CDH8: variants seen among roughly 807,000 people sequenced by gnomAD.
CDH8 encodes the protein cadherin 8.
CDH8 carries 17 observed loss-of-function variants against 68.1 expected under a neutral mutation model. The ratio of observed to expected loss-of-function variants is 0.25; its 90% confidence interval spans 0.17 to 0.37. The LOEUF is 0.37. CDH8 is among the 10% of genes least tolerant of loss of function. The pLI, the probability that CDH8 is intolerant of heterozygous loss-of-function variation, is 1.00. For missense variants in CDH8, 763 were observed against 999.3 expected (o/e 0.76, Z 3.19); for synonymous variants, 372 against 365.1 (o/e 1.02, Z -0.21).
intron 8 of CDH8, among the ~76,000 whole-genome samples, chr16:61,764,531 T>C (rs1399316789): frequency 6.6e-6 from 1 of 152,068 alleles, no homozygotes; most frequent in East Asian, 1.9e-4. Context: ...AGCAAAACTG[T>C]CAGATTAATG....
chr16:61,969,061 A>G (rs1368397457), intron 2 of CDH8, among the ~76,000 whole-genome samples: 1 of 152,244 alleles, frequency 6.6e-6, no homozygotes, highest in Admixed American at 6.5e-5. Context: ...AACTGAAATA[A>G]AACCTTCTCA....
At chr16:61,682,979 G>C (rs1454153217) in intron 10 of CDH8, among the ~76,000 whole-genome samples, 2 of 151,964 alleles carry the variant, frequency 1.3e-5, no homozygotes, top group Non-Finnish European at 2.9e-5. Flanking sequence ...TGATAACTGG[G>C]ACTTGCTTCA....
At chr16:61,853,112 T>C (rs1962975250) in intron 4 of CDH8, among the ~76,000 whole-genome samples, 1 of 152,050 alleles carries the variant, frequency 6.6e-6, no homozygotes, top group Non-Finnish European at 1.5e-5. Context: ...AACCCTGATT[T>C]TGTTAAAGCT....
rs1358351721 is a variant in CDH8, at chr16:61,652,875, A to G, written c.*733T>C. The G allele has an allele frequency of 3.3e-6, 5 of 1,525,602 alleles. No homozygotes were observed. Among genetic ancestry groups the G allele is most frequent in the Non-Finnish European group, 2.6e-6 (3 of 1,141,916 alleles). 94.5% of individuals were successfully genotyped at this position (1,525,602 alleles called of 1,614,324 possible). The stretch of plus-strand genomic sequence containing the variant: ...TGTGTCCTTGTGGAAGAAGATGAAG[A>G]GGAGGGAACGAGGAATCCTGCTTCT... On this transcript the variant is annotated 3_prime_UTR_variant, in exon 12 of 12. Coordinates refer to ENST00000577390, the MANE Select transcript of CDH8 (RefSeq NM_001796.5).
chr16:61,915,182 G>C (rs1332072410), intron 2 of CDH8, among the ~76,000 whole-genome samples: 1 of 152,000 alleles, frequency 6.6e-6, no homozygotes, highest in African/African-American at 2.4e-5. Context: ...TGAATATTTG[G>C]ACACATCCTT....
In CDH8 at chr16:61,751,382, TAAAAAA is replaced by T. The variant is rs71134375; in HGVS notation, c.1415-24173_1415-24168del. Among the ~76,000 whole-genome samples, 234 of 54,158 alleles carry T rather than the reference TAAAAAA, an allele frequency of 4.3e-3. 1 individual carries two copies. Among genetic ancestry groups the T allele is most frequent in the Middle Eastern group, 0.017 (1 of 60 alleles). The allele number at this position is 54,158 out of a possible 152,430, so 35.5% of individuals were successfully genotyped here. A position where few individuals can be genotyped will look rare whatever the true frequency, so the allele number is the denominator to read the frequency against. The stretch of plus-strand genomic sequence containing the variant: ...CACAAATGTCCTTCCATATTCTCCT[TAAAAAA>T]AAAAAAAAAAAAAAAAAAAAAAACA... On this transcript the variant is annotated intron_variant, in intron 8 of 11. Coordinates refer to ENST00000577390, the MANE Select transcript of CDH8 (RefSeq NM_001796.5).
At chr16:61,856,969 G>T in intron 4 of CDH8, 150 bp downstream of exon 4, 1 of 845,984 alleles carries the variant, frequency 1.2e-6, no homozygotes, top group Non-Finnish European at 1.9e-6. Flanking sequence ...TGGTTGTAGG[G>T]CTCACTGTGT....
At chr16:61,917,557 C>T (rs1382399745) in intron 2 of CDH8, among the ~76,000 whole-genome samples, 1 of 152,172 alleles carries the variant, frequency 6.6e-6, no homozygotes, top group Non-Finnish European at 1.5e-5. Flanking sequence ...TGCAGCATTA[C>T]TGAGCCTTGG....
In CDH8 at chr16:61,648,998, T is replaced by A. The variant is rs1047158497; in HGVS notation, c.*4610A>T. The A allele has an allele frequency of 9.9e-5, 15 of 151,902 alleles. 1 individual carries two copies. Among genetic ancestry groups the A allele is most frequent in the Non-Finnish European group, 7.4e-5 (5 of 67,924 alleles). 9.4% of individuals were successfully genotyped at this position (151,902 alleles called of 1,614,324 possible). A position where few individuals can be genotyped will look rare whatever the true frequency, so the allele number is the denominator to read the frequency against. Reference sequence around the variant, plus strand: ...CTACAATTATCATAAGAAGCAATAATTACAAGGGCAAATAATACATTCAAC... The same window carrying A: ...CTACAATTATCATAAGAAGCAATAAATACAAGGGCAAATAATACATTCAAC... On this transcript the variant is annotated 3_prime_UTR_variant, in exon 12 of 12. Transcript: ENST00000577390.
chr16:61,756,824 G>A (rs532527001), intron 8 of CDH8, among the ~76,000 whole-genome samples: 1 of 152,144 alleles, frequency 6.6e-6, no homozygotes, highest in African/African-American at 2.4e-5. Context: ...TTTGGAAATG[G>A]GATTCTCACT....
Position 61,812,162 on chromosome 16 carries a change from C to A in CDH8, c.1277+5317G>T, listed in dbSNP as rs1961966919. 2.6e-5 allele frequency among the ~76,000 whole-genome samples: 4 copies of A among 152,260 alleles called. No homozygotes were observed. The South Asian group carries it at 8.3e-4, about 32-fold the overall frequency. On this transcript the variant is annotated intron_variant, in intron 7 of 11. Coordinates refer to ENST00000577390, the MANE Select transcript of CDH8 (RefSeq NM_001796.5). Reference sequence around the variant, plus strand: ...AATCAATCAATACACCATCTACTATCTAAATTAATTCCAAGTTTTCTACAG... The same window carrying A: ...AATCAATCAATACACCATCTACTATATAAATTAATTCCAAGTTTTCTACAG...
chr16:61,671,992 A>G (rs1963806132), intron 10 of CDH8, among the ~76,000 whole-genome samples: 1 of 152,136 alleles, frequency 6.6e-6, no homozygotes, highest in Admixed American at 6.6e-5. Flanking sequence ...TTTGTTGTAC[A>G]CTATAGAGAA....
chr16:61,840,367 CCTACT>C, intron 4 of CDH8, among the ~76,000 whole-genome samples: 1 of 152,152 alleles, frequency 6.6e-6, no homozygotes, highest in South Asian at 2.1e-4. Context: ...TGTTGGCACT[CCTACT>C]CTTTCTCACC....
At chr16:61,894,019 ATACT>A (rs1056755592) in intron 3 of CDH8, among the ~76,000 whole-genome samples, 2 of 152,156 alleles carry the variant, frequency 1.3e-5, no homozygotes, top group African/African-American at 4.8e-5. Flanking sequence ...GAGGAATAAG[ATACT>A]TACATAGTCT....
At chr16:62,011,789 A>G (rs969159825) in intron 2 of CDH8, among the ~76,000 whole-genome samples, 7 of 152,150 alleles carry the variant, frequency 4.6e-5, no homozygotes, top group Admixed American at 3.9e-4. Flanking sequence ...TTTGAGTAAT[A>G]AAAATGTAGT....
chr16:61,768,387 T>C (rs60231071), intron 8 of CDH8, among the ~76,000 whole-genome samples: 67 of 85,672 alleles, frequency 7.8e-4, no homozygotes, highest in African/African-American at 1.7e-3. Context: ...TCTCTCTCTC[T>C]CTCTCTCCCT....
chr16:61,698,973 T>C (rs1392948669), intron 10 of CDH8, among the ~76,000 whole-genome samples: 1 of 152,194 alleles, frequency 6.6e-6, no homozygotes, highest in African/African-American at 2.4e-5. Flanking sequence ...CTCATTTATT[T>C]GAACCCTTTT....
chr16:61,853,645 T>C (rs954132201), intron 4 of CDH8, among the ~76,000 whole-genome samples: 2 of 152,068 alleles, frequency 1.3e-5, no homozygotes, highest in African/African-American at 4.8e-5. Flanking sequence ...CCTGAAGTAA[T>C]GTGCAGACCT....
At chr16:61,999,522 G>A (rs1458031700) in intron 2 of CDH8, among the ~76,000 whole-genome samples, 5 of 152,204 alleles carry the variant, frequency 3.3e-5, no homozygotes, top group South Asian at 2.1e-4. Context: ...AACAGTCTTC[G>A]CAATGCTGGA....
Sources: allele counts gnomAD v4.1 joint callset (sites outside exome capture counted in the v4.1 genomes callset), GRCh38; gene constraint gnomAD v4.1.1; transcripts MANE v1.5; gene names NCBI Gene and HGNC (gene_info 2026-07-23, HGNC 2026-07-21).